Variants in SLC8A1 observed in about 807,000 individuals in gnomAD.
SLC8A1 encodes sodium/calcium exchanger 1.
A neutral mutation model predicts 68.3 loss-of-function variants in SLC8A1; 18 were observed. The ratio of observed to expected loss-of-function variants is 0.26; its 90% confidence interval spans 0.18 to 0.39. The LOEUF is 0.39. Among genes scored for constraint, SLC8A1 ranks in the 10% least tolerant of loss-of-function variants. The pLI is 1.00. For missense variants in SLC8A1, 985 were observed against 1,156.7 expected, an observed-to-expected ratio of 0.85 and a Z score of 2.15; for synonymous variants, 475 against 415.5, an observed-to-expected ratio of 1.14 and a Z score of -1.74.
chr2:40,253,674 A>G (rs1401180693), intron 2 of SLC8A1, among the ~76,000 whole-genome samples: 2 of 151,918 alleles, frequency 1.3e-5, no homozygotes, highest in Non-Finnish European at 2.9e-5. Flanking sequence ...AAAAAATACA[A>G]AAAGTAGCCA....
chr2:40,315,811 C>A (rs1283321762), intron 2 of SLC8A1, among the ~76,000 whole-genome samples: 2 of 151,926 alleles, frequency 1.3e-5, no homozygotes, highest in Non-Finnish European at 2.9e-5. Context: ...TTCTTTATAG[C>A]CTTTGGCACA....
chr2:40,344,122 A>C (rs548755612), intron 2 of SLC8A1, among the ~76,000 whole-genome samples: 1 of 152,296 alleles, frequency 6.6e-6, no homozygotes, highest in South Asian at 2.1e-4. Context: ...GCCATAGAGA[A>C]GTCATTTTTT....
chr2:40,306,201 T>C (rs900753699), intron 2 of SLC8A1, among the ~76,000 whole-genome samples: 2 of 152,068 alleles, frequency 1.3e-5, no homozygotes, highest in African/African-American at 4.8e-5. Flanking sequence ...ATTTATGAAA[T>C]GGAAAGGAGA....
intron 1 of SLC8A1, among the ~76,000 whole-genome samples, chr2:40,483,732 C>T (rs1349740752): frequency 6.6e-6 from 1 of 152,160 alleles, no homozygotes; most frequent in Non-Finnish European, 1.5e-5. Flanking sequence ...ACTTCCTTTG[C>T]TTATTTCTCT....
intron 2 of SLC8A1, among the ~76,000 whole-genome samples, chr2:40,276,333 G>C (rs768615956): frequency 1.3e-5 from 2 of 152,200 alleles, no homozygotes; most frequent in Non-Finnish European, 2.9e-5. Context: ...TATTGTTGAA[G>C]TATGTGGTGA....
chr2:40,457,298 T>C (rs1703080826), intron 1 of SLC8A1, among the ~76,000 whole-genome samples: 1 of 152,160 alleles, frequency 6.6e-6, no homozygotes, highest in African/African-American at 2.4e-5. Context: ...AGGCAGTTGT[T>C]CCCTACAATC....
intron 2 of SLC8A1, among the ~76,000 whole-genome samples, chr2:40,182,476 C>T (rs2049792919): frequency 6.6e-6 from 1 of 151,780 alleles, no homozygotes; most frequent in South Asian, 2.1e-4. Flanking sequence ...CATTTTGGTT[C>T]TATTTCTAAA....
intron 2 of SLC8A1, among the ~76,000 whole-genome samples, chr2:40,277,942 T>C (rs1241581770): frequency 3.3e-5 from 5 of 151,548 alleles, no homozygotes; most frequent in Admixed American, 2.0e-4. Context: ...AAATATGTTG[T>C]TATCCCCATT....
At chr2:40,176,589 A>G (rs13017294) in intron 3 of SLC8A1, among the ~76,000 whole-genome samples, 3 of 152,106 alleles carry the variant, frequency 2.0e-5, no homozygotes, top group South Asian at 4.2e-4. Context: ...CAAATACTCC[A>G]TCTTGAACTT....
chr2:40,435,779 T>C (rs1294875628), intron 1 of SLC8A1, among the ~76,000 whole-genome samples: 1 of 152,082 alleles, frequency 6.6e-6, no homozygotes, highest in East Asian at 1.9e-4. Context: ...TATTACTTTT[T>C]TGTTTTTGTT....
exon 8 of SLC8A1, chr2:40,099,556 CT>C (rs1020607657): frequency 3.3e-5 from 5 of 152,056 alleles, no homozygotes; most frequent in African/African-American, 9.7e-5. Context: ...TACCTGCCCC[CT>C]GTCAGTCTTT....
chr2:40,187,706 C>T (rs970185235), intron 2 of SLC8A1, among the ~76,000 whole-genome samples: 1 of 152,076 alleles, frequency 6.6e-6, no homozygotes, highest in African/African-American at 2.4e-5. Flanking sequence ...CTTTTCTGTC[C>T]CTAGAAGACA....
chr2:40,347,830 G>A (rs1381777137), intron 2 of SLC8A1, among the ~76,000 whole-genome samples: 1 of 152,106 alleles, frequency 6.6e-6, no homozygotes, highest in East Asian at 1.9e-4. Flanking sequence ...TAATTTCAAA[G>A]TCCATACATT....
intron 2 of SLC8A1, among the ~76,000 whole-genome samples, chr2:40,346,239 T>C (rs1190705917): frequency 2.6e-5 from 4 of 152,048 alleles, no homozygotes; most frequent in Admixed American, 1.3e-4. Flanking sequence ...GAGAAGTTGA[T>C]GGGAGGAGTG....
chr2:40,410,133 G>A (rs538672928), intron 2 of SLC8A1, among the ~76,000 whole-genome samples: 2 of 152,034 alleles, frequency 1.3e-5, no homozygotes, highest in Non-Finnish European at 2.9e-5. Context: ...GCAAGGGATA[G>A]AACACATGAC....
At chr2:40,109,345 G>A (rs2125048018) in exon 8 of SLC8A1, 1 of 152,234 alleles carries the variant, frequency 6.6e-6, no homozygotes, top group Non-Finnish European at 1.5e-5. Flanking sequence ...GGATGTGAAT[G>A]TCGGTTCTCA....
At chr2:40,371,197 A>G (rs1677925985) in intron 2 of SLC8A1, among the ~76,000 whole-genome samples, 1 of 152,132 alleles carries the variant, frequency 6.6e-6, no homozygotes, top group Non-Finnish European at 1.5e-5. Flanking sequence ...TGTTCACAGG[A>G]AAGTCTAGAT....
chr2:40,433,419 T>C (rs377607227), intron 1 of SLC8A1, among the ~76,000 whole-genome samples: 2 of 152,202 alleles, frequency 1.3e-5, no homozygotes, highest in East Asian at 1.9e-4. Context: ...ACCAATTTCC[T>C]GAGAGAATAC....
intron 1 of SLC8A1, among the ~76,000 whole-genome samples, chr2:40,493,625 T>C: frequency 6.6e-6 from 1 of 150,728 alleles, no homozygotes; most frequent in Non-Finnish European, 1.5e-5. Flanking sequence ...CTCCCTCTAT[T>C]ACAATCCGGA....
Sources: allele counts gnomAD v4.1 joint callset (sites outside exome capture counted in the v4.1 genomes callset), GRCh38; gene constraint gnomAD v4.1.1; transcripts MANE v1.5; gene names NCBI Gene and HGNC (gene_info 2026-07-23, HGNC 2026-07-21).